ZNF710: variants seen among roughly 807,000 people sequenced by gnomAD.
ZNF710 encodes the protein zinc finger protein 710.
ZNF710 carries 13 observed loss-of-function variants against 50.6 expected under a neutral mutation model. The observed-to-expected ratio is 0.26, with a 90% CI of 0.17 to 0.41. The LOEUF (loss-of-function observed/expected upper bound fraction) is 0.41, where lower values mean the gene tolerates loss of function less well. Among genes scored for constraint, ZNF710 ranks in the 10% least tolerant of loss-of-function variants. The probability of loss-of-function intolerance (pLI) is 1.00; values close to 1 mark genes in which losing one functional copy is unlikely to be tolerated. For missense variants in ZNF710, 721 were observed against 936.6 expected (o/e 0.77, Z 3.01); for synonymous variants, 383 against 397.0 (o/e 0.96, Z 0.42).
intron 1 of ZNF710, among the ~76,000 whole-genome samples, chr15:90,049,181 AC>A (rs1412228471): frequency 6.6e-6 from 1 of 152,168 alleles, no homozygotes; most frequent in Non-Finnish European, 1.5e-5. Context: ...CCATTGCATT[AC>A]CTTATTGAAT....
intron 2 of ZNF710, among the ~76,000 whole-genome samples, chr15:90,071,696 T>C (rs1900394433): frequency 6.7e-6 from 1 of 149,990 alleles, no homozygotes; most frequent in South Asian, 2.1e-4. Flanking sequence ...TTTTTTTTTT[T>C]GAGACGGAGG....
chr15:90,034,895 G>A lies in ZNF710; in HGVS notation c.-28-32215G>A, dbSNP rs1046430486. Among the ~76,000 whole-genome samples, 2 of 152,190 alleles carry A rather than the reference G, an allele frequency of 1.3e-5. No homozygotes were observed. The highest frequency in any genetic ancestry group is 6.5e-5 in the Admixed American group (1 of 15,288). ...TTCTGAGTTGCAAGCTCCCAGAAAC[G>A]ATGCTGTTAGGACCCTCTGTTCACT... is the stretch of plus-strand genomic sequence containing the variant. On this transcript the variant is annotated intron_variant, in intron 1 of 4. Coordinates refer to ENST00000268154, the MANE Select transcript of ZNF710 (RefSeq NM_198526.4). The surrounding 1 kb of genome is among the most constrained non-coding windows in gnomAD (Gnocchi z 4.0).
chr15:90,031,130 G>A (rs2151484739), intron 1 of ZNF710, among the ~76,000 whole-genome samples: 1 of 152,110 alleles, frequency 6.6e-6, no homozygotes, highest in South Asian at 2.1e-4. Flanking sequence ...ATTTGAATTG[G>A]AGGCTTAGGC....
In ZNF710 at chr15:90,068,321, A is replaced by G. The variant is rs753999015; in HGVS notation, c.1184A>G (p.Lys395Arg). 1.2e-6 allele frequency: 2 copies of G among 1,612,880 alleles called. No individual in the cohort carries two copies. Among genetic ancestry groups the G allele is most frequent in the African/African-American group, 2.7e-5 (2 of 74,950 alleles). The change falls in exon 2 of 5, where the codon AAG (lysine) becomes AGG (arginine). Residue 395 changes from lysine to arginine, a missense_variant. Lys to Arg is a conservative substitution (Grantham distance 26, BLOSUM62 2). Coordinates refer to ENST00000268154, the MANE Select transcript of ZNF710 (RefSeq NM_198526.4). The surrounding 1 kb of genome is among the most constrained non-coding windows in gnomAD (Gnocchi z 5.0). ...GRGFAYPSELKAHEVKHESGR... is the reference protein window; with the variant it reads ...GRGFAYPSELRAHEVKHESGR... ...GGCTTCGCCTACCCCAGCGAGCTCA[A>G]GGCCCACGAAGTGAAGCATGAGAGT...
chr15:90,020,521 C>T (rs892855774), intron 1 of ZNF710, among the ~76,000 whole-genome samples: 4 of 152,234 alleles, frequency 2.6e-5, no homozygotes, highest in African/African-American at 7.2e-5. Context: ...CAGCTGCTGC[C>T]GGGATGGGTT....
intron 1 of ZNF710, among the ~76,000 whole-genome samples, chr15:90,042,354 CA>C (rs1899323285): frequency 6.6e-6 from 1 of 151,950 alleles, no homozygotes; most frequent in Non-Finnish European, 1.5e-5. Flanking sequence ...GTCTCCCCCC[CA>C]CCCCCTCCAG....
At chr15:90,043,950 T>G (rs1899379798) in intron 1 of ZNF710, among the ~76,000 whole-genome samples, 1 of 152,172 alleles carries the variant, frequency 6.6e-6, no homozygotes, top group African/African-American at 2.4e-5. Flanking sequence ...TTTAAATTTC[T>G]TTTTTCTTTT....
intron 1 of ZNF710, among the ~76,000 whole-genome samples, chr15:90,021,684 A>G (rs569747227): frequency 6.6e-6 from 1 of 152,266 alleles, no homozygotes; most frequent in African/African-American, 2.4e-5. Flanking sequence ...GATATTGGAT[A>G]TAGACACAAA....
chr15:90,058,235 G>A (rs552733760), intron 1 of ZNF710, among the ~76,000 whole-genome samples: 89 of 152,316 alleles, frequency 5.8e-4, no homozygotes, highest in African/African-American at 2.0e-3. Flanking sequence ...GCCATTAGCA[G>A]GGGAAGGCAA....
At chr15:90,019,825 G>A (rs1330649391) in intron 1 of ZNF710, among the ~76,000 whole-genome samples, 1 of 152,202 alleles carries the variant, frequency 6.6e-6, no homozygotes, top group African/African-American at 2.4e-5. Context: ...CCGTTAGGGT[G>A]CCCGGGACAG....
intron 1 of ZNF710, among the ~76,000 whole-genome samples, chr15:90,047,116 G>T (rs1899487974): frequency 6.6e-6 from 1 of 152,192 alleles, no homozygotes; most frequent in Non-Finnish European, 1.5e-5. Context: ...TCTGGGGGTG[G>T]GTGGGGACAG....
At chr15:89,998,317 G>C (rs1040436444), upstream of ZNF710, among the ~76,000 whole-genome samples, 10 of 152,248 alleles carry the variant, frequency 6.6e-5, no homozygotes, top group African/African-American at 2.4e-4. Flanking sequence ...CTGCTCCCAG[G>C]GGCCTTCCTG....
In ZNF710 at chr15:90,081,563, T is replaced by G. The variant is rs1219177165; in HGVS notation, c.*1734T>G. 6.6e-6 allele frequency: 1 copy of G among 152,340 alleles called. No homozygotes were observed. The highest frequency in any genetic ancestry group is 6.5e-5 in the Admixed American group (1 of 15,280). 9.4% of individuals were successfully genotyped at this position (152,340 alleles called of 1,614,324 possible). ...AGGGGTGGACAAGGTGGCCCAAGTATGGCTTCCAGACCCCGAAGCCCCACG... is the reference window on the plus strand; with the variant it reads ...AGGGGTGGACAAGGTGGCCCAAGTAGGGCTTCCAGACCCCGAAGCCCCACG... On this transcript the variant is annotated 3_prime_UTR_variant, in exon 5 of 5. Transcript: ENST00000268154.
chr15:90,059,469 G>T lies in ZNF710; in HGVS notation c.-28-7641G>T, dbSNP rs1245421483. Among the ~76,000 whole-genome samples the T allele has an allele frequency of 1.3e-5, 2 of 152,114 alleles. No homozygotes were observed. The highest frequency in any genetic ancestry group is 3.9e-4 in the East Asian group (2 of 5,190). ...GTTTCCTCATCTGTTAACAGGGCCG[G>T]GTATGGTGCGCATCACGGGGGTTTG... On this transcript the variant is annotated intron_variant, in intron 1 of 4. Coordinates refer to ENST00000268154, the MANE Select transcript of ZNF710 (RefSeq NM_198526.4). This position sits in a 1 kb window ranked among gnomAD's most constrained non-coding sequence, Gnocchi z 4.1.
Position 90,073,181 on chromosome 15 carries a change from C to A in ZNF710, c.1569C>A (p.Ile523=), listed in dbSNP as rs147782032. The part of the protein sequence containing the change: ...HTSVRPYQCH[I]CFKTFVQKQT... The stretch of plus-strand genomic sequence containing the variant: ...GCGTCCGGCCCTACCAGTGCCACAT[C>A]TGCTTCAAGACCTTTGTACAGAAGC... Residue 523 remains isoleucine (I), a synonymous_variant, in exon 3 of 5, where the codon ATC becomes ATA. Transcript: ENST00000268154. 9.5e-4 allele frequency: 1,539 copies of A among 1,614,226 alleles called. 17 individuals carry two copies. In the East Asian group the frequency reaches 0.022, roughly 23 times the overall value.
chr15:90,004,912 C>G (rs1310936645), intron 1 of ZNF710, among the ~76,000 whole-genome samples: 1 of 152,230 alleles, frequency 6.6e-6, no homozygotes, highest in East Asian at 1.9e-4. Flanking sequence ...CTGGGTGATT[C>G]AGGCTGTTTC....
At chr15:90,001,987 G>C (rs989393473) in intron 1 of ZNF710, among the ~76,000 whole-genome samples, 1 of 149,122 alleles carries the variant, frequency 6.7e-6, no homozygotes, top group African/African-American at 2.5e-5. Flanking sequence ...GAGAGAGAGA[G>C]AGAGAGAGAG....
At chr15:90,049,122 G>C (rs1423418322) in intron 1 of ZNF710, among the ~76,000 whole-genome samples, 1 of 152,142 alleles carries the variant, frequency 6.6e-6, no homozygotes, top group Non-Finnish European at 1.5e-5. Flanking sequence ...TGGTGTAAAG[G>C]CTTAAACTGA....
At position 90,040,505 on chromosome 15, in the gene ZNF710, G is replaced by A. The variant is rs1899265045; in HGVS notation, c.-28-26605G>A. 6.6e-6 allele frequency among the ~76,000 whole-genome samples: 1 copy of A among 152,140 alleles called. No homozygotes were observed. The highest frequency in any genetic ancestry group is 2.4e-5 in the African/African-American group (1 of 41,430). ...GTTCTCATCAGTTCATAAGCACAGT[G>A]CCCCTTCTGTTTCTTGGCTTAATGC... On this transcript the variant is annotated intron_variant, in intron 1 of 4. Transcript: ENST00000268154. This position sits in a 1 kb window ranked among gnomAD's most constrained non-coding sequence, Gnocchi z 4.6.
Sources: gnomAD v4.1 joint callset for allele counts (sites outside exome capture counted in the v4.1 genomes callset) on GRCh38, gnomAD v4.1.1 for gene constraint, Gnocchi (gnomAD v3.1) non-coding constraint, MANE v1.5 for transcripts, NCBI Gene and HGNC (gene_info 2026-07-23, HGNC 2026-07-21) for gene names.